The following XKR6 variants were observed in gnomAD, a reference collection of about 807,000 sequenced individuals.
XKR6 encodes the protein XK related 6.
XKR6 carries 22 observed loss-of-function variants against 56.7 expected under a neutral mutation model. The observed-to-expected ratio is 0.39, with a 90% CI of 0.28 to 0.55. XKR6 has a LOEUF of 0.55. XKR6 is among the 20% of genes least tolerant of loss of function. XKR6 has a pLI of 0.66. For synonymous variants in XKR6, 524 were observed against 387.8 expected (o/e 1.35, Z -4.13); for missense variants, 852 against 889.0 (o/e 0.96, Z 0.53).
intron 1 of XKR6, among the ~76,000 whole-genome samples, chr8:11,171,762 C>G (rs1450447623): frequency 1.3e-5 from 2 of 152,040 alleles, no homozygotes; most frequent in African/African-American, 4.8e-5. Context: ...TAAAAGTTAC[C>G]CAGTCTCGGG....
At chr8:10,943,294 G>C (rs11993591) in intron 1 of XKR6, among the ~76,000 whole-genome samples, 31,459 of 152,192 alleles carry the variant, frequency 0.21, 4,296 homozygotes, top group African/African-American at 0.39. Flanking sequence ...ACTATGATGA[G>C]CAGTCCCATT....
Position 11,201,515 on chromosome 8 carries a change from G to A in XKR6, c.-176C>T, listed in dbSNP as rs754343958. 20 of 559,884 alleles carry A rather than the reference G, an allele frequency of 3.6e-5. No homozygotes were observed. Among genetic ancestry groups the A allele is most frequent in the Admixed American group, 7.0e-5 (2 of 28,634 alleles). 34.7% of individuals were successfully genotyped at this position (559,884 alleles called of 1,614,324 possible). A position where few individuals can be genotyped will look rare whatever the true frequency, so the allele number is the denominator to read the frequency against. On this transcript the variant is annotated 5_prime_UTR_variant, in exon 1 of 3. Coordinates refer to ENST00000416569, the MANE Select transcript of XKR6 (RefSeq NM_173683.4). The stretch of plus-strand genomic sequence containing the variant: ...AGGGAACCCCCTCCGCTTCCGGGTA[G>A]TTGGCGTCACTTCCGGGCGAGCCCC...
At chr8:10,917,446 C>A (rs1428857271) in intron 2 of XKR6, among the ~76,000 whole-genome samples, 2 of 152,212 alleles carry the variant, frequency 1.3e-5, no homozygotes, top group East Asian at 1.9e-4. Flanking sequence ...TTTTGATCAT[C>A]TCTGAGAGAA....
At position 11,065,621 on chromosome 8, in the gene XKR6, G is replaced by A. The variant is rs369258585; in HGVS notation, c.764+134955C>T. On this transcript the variant is annotated intron_variant, in intron 1 of 2. Transcript: ENST00000416569. ...TGGGAAATCCCTGCTTTGGGAGACA[G>A]CCTCGAGAAGGTTAGTATTCTTTCC... 4.6e-5 allele frequency among the ~76,000 whole-genome samples: 7 copies of A among 151,808 alleles called. No homozygotes were observed. The East Asian group carries it at 9.6e-4, about 21-fold the overall frequency.
intron 1 of XKR6, chr8:11,002,461 G>C (rs1238945495): frequency 5.0e-6 from 2 of 401,976 alleles, no homozygotes; most frequent in Non-Finnish European, 1.0e-5. Flanking sequence ...TCATCTCCAG[G>C]AGAAGGCAGG....
chr8:11,190,284 A>T (rs1803506373), intron 1 of XKR6, among the ~76,000 whole-genome samples: 1 of 151,836 alleles, frequency 6.6e-6, no homozygotes, highest in Admixed American at 6.6e-5. Context: ...AGAAAGGAAA[A>T]TAAAAGAAAA....
intron 1 of XKR6, among the ~76,000 whole-genome samples, chr8:11,048,363 A>C (rs906654777): frequency 6.6e-6 from 1 of 152,076 alleles, no homozygotes; most frequent in African/African-American, 2.4e-5. Flanking sequence ...GAGGGAAACT[A>C]CTGCTTTCTG....
At chr8:11,123,918 C>A in intron 1 of XKR6, 1 of 456,190 alleles carries the variant, frequency 2.2e-6, no homozygotes. Flanking sequence ...TCATGATGTT[C>A]TTGGCTTGCC....
intron 1 of XKR6, among the ~76,000 whole-genome samples, chr8:11,045,075 CTTTTTTTTTTTTT>C (rs5889356): frequency 3.4e-3 from 122 of 36,044 alleles, no homozygotes; most frequent in Middle Eastern, 0.026. Flanking sequence ...TCAAATCACT[CTTTTTTTTTTTTT>C]TTTTTTTTTT....
intron 1 of XKR6, among the ~76,000 whole-genome samples, chr8:11,001,923 A>C (rs975177337): frequency 3.3e-5 from 5 of 152,086 alleles, no homozygotes; most frequent in African/African-American, 1.2e-4. Flanking sequence ...CTCCAGCCCC[A>C]CCATACCCGT....
intron 1 of XKR6, among the ~76,000 whole-genome samples, chr8:11,092,640 G>C (rs371449383): frequency 6.6e-6 from 1 of 152,202 alleles, no homozygotes; most frequent in East Asian, 1.9e-4. Context: ...CAAGAGCCGG[G>C]AGACTGCAAG....
intron 1 of XKR6, among the ~76,000 whole-genome samples, chr8:11,052,608 C>G (rs1799579530): frequency 6.6e-6 from 1 of 152,120 alleles, no homozygotes; most frequent in South Asian, 2.1e-4. Context: ...GGCTGTCTGG[C>G]CTGTGGGGGA....
Position 11,174,282 on chromosome 8 carries a change from T to C in XKR6, c.764+26294A>G, listed in dbSNP as rs554764174. Among the ~76,000 whole-genome samples, 3 of 152,306 alleles carry C rather than the reference T, an allele frequency of 2.0e-5. No homozygotes were observed. In the East Asian group the frequency reaches 5.8e-4, roughly 29 times the overall value. ...TCAAGCAGTAAGTCACTCACTCCTC[T>C]CTCTTCCAGATGGCAAGCGACACTG... On this transcript the variant is annotated intron_variant, in intron 1 of 2. Transcript: ENST00000416569.
intron 1 of XKR6, among the ~76,000 whole-genome samples, chr8:11,021,040 A>AG (rs553234973): frequency 3.3e-5 from 5 of 152,008 alleles, no homozygotes; most frequent in Non-Finnish European, 7.4e-5. Flanking sequence ...AAGGGACCCT[A>AG]GGGGGTCCTA....
chr8:11,010,505 A>C (rs1798475529), intron 1 of XKR6, among the ~76,000 whole-genome samples: 1 of 152,210 alleles, frequency 6.6e-6, no homozygotes, highest in African/African-American at 2.4e-5. Flanking sequence ...CTACTGAGTA[A>C]TGCAACACAG....
At chr8:11,144,236 G>GTGTGTGTGTGTT (rs1800864577) in intron 1 of XKR6, among the ~76,000 whole-genome samples, 2 of 150,624 alleles carry the variant, frequency 1.3e-5, no homozygotes, top group African/African-American at 4.9e-5. Flanking sequence ...GTGTGTGTGT[G>GTGTGTGTGTGTT]TGTGTGTGTG....
chr8:11,064,458 C>A (rs1799926929), intron 1 of XKR6, among the ~76,000 whole-genome samples: 1 of 151,560 alleles, frequency 6.6e-6, no homozygotes, highest in African/African-American at 2.4e-5. Flanking sequence ...AAAGCCCCAA[C>A]ATCTTAAAAG....
Position 11,178,547 on chromosome 8 carries a change from A to ATATATATATATAT in XKR6, c.764+22028_764+22029insATATATATATATA, listed in dbSNP as rs1802779230. Among the ~76,000 whole-genome samples, 133 of 88,404 alleles carry ATATATATATATAT rather than the reference A, an allele frequency of 1.5e-3. 3 individuals carry two copies. The highest frequency in any genetic ancestry group is 7.2e-3 in the African/African-American group (123 of 17,114). The allele number at this position is 88,404 out of a possible 152,430, so 58.0% of individuals were successfully genotyped here. ...TAAGTCCAAACATCTGAGAGGTAAA[A>ATATATATATATAT]ATATATATATATATATATATATATA... On this transcript the variant is annotated intron_variant, in intron 1 of 2. Transcript: ENST00000416569.
chr8:10,993,896 C>G (rs903574094), intron 1 of XKR6, among the ~76,000 whole-genome samples: 1 of 152,218 alleles, frequency 6.6e-6, no homozygotes, highest in African/African-American at 2.4e-5. Flanking sequence ...CACCCCATGG[C>G]AATCAGGGTA....
Sources: gnomAD v4.1 joint callset for allele counts (sites outside exome capture counted in the v4.1 genomes callset) on GRCh38, gnomAD v4.1.1 for gene constraint, MANE v1.5 for transcripts, NCBI Gene and HGNC (gene_info 2026-07-23, HGNC 2026-07-21) for gene names.